The following ANKRD12 variants were observed in gnomAD, a reference collection of about 807,000 sequenced individuals.
ANKRD12 encodes ankyrin repeat domain 12, also known as ankyrin repeat domain-containing protein 12.
A neutral mutation model predicts 183.4 loss-of-function variants in ANKRD12; 85 were observed. The observed-to-expected ratio is 0.46, with a 90% CI of 0.39 to 0.56. The LOEUF is 0.56. Ranked by LOEUF, ANKRD12 falls within the 20% of genes least tolerant of loss-of-function variation. The pLI is 0.00. For missense variants in ANKRD12, 2,405 were observed against 2,357.1 expected, an observed-to-expected ratio of 1.02 and a Z score of -0.42; for synonymous variants, 914 against 800.2, an observed-to-expected ratio of 1.14 and a Z score of -2.40.
chr18:9,169,101 C>T (rs1014923119), intron 1 of ANKRD12, among the ~76,000 whole-genome samples: 12 of 152,092 alleles, frequency 7.9e-5, no homozygotes, highest in Non-Finnish European at 1.6e-4. Flanking sequence ...GTTATAATTT[C>T]TGTTCTTTTA....
intron 9 of ANKRD12, among the ~76,000 whole-genome samples, chr18:9,262,168 G>A (rs2039008526): frequency 6.6e-6 from 1 of 152,160 alleles, no homozygotes; most frequent in East Asian, 1.9e-4. Context: ...AGAGCCAGGT[G>A]TGATTTTTGT....
chr18:9,226,828 A>G (rs932281577), intron 8 of ANKRD12, among the ~76,000 whole-genome samples: 7 of 152,194 alleles, frequency 4.6e-5, no homozygotes, highest in Non-Finnish European at 1.5e-5. Flanking sequence ...TCTTTTTTAA[A>G]AAAAATAAAG....
intron 8 of ANKRD12, among the ~76,000 whole-genome samples, chr18:9,231,722 G>C (rs1316193637): frequency 1.3e-5 from 2 of 151,666 alleles, no homozygotes; most frequent in Non-Finnish European, 2.9e-5. Flanking sequence ...CTACTCGGGA[G>C]GCTGAGGCAG....
chr18:9,204,635 C>A, intron 4 of ANKRD12, 91 bp downstream of exon 4: 1 of 968,572 alleles, frequency 1.0e-6, no homozygotes, highest in Non-Finnish European at 1.5e-6. Flanking sequence ...ACTTTCAAAC[C>A]AGCATATAGA....
intron 11 of ANKRD12, among the ~76,000 whole-genome samples, chr18:9,276,890 A>G (rs922595275): frequency 6.6e-6 from 1 of 152,214 alleles, no homozygotes; most frequent in African/African-American, 2.4e-5. Context: ...TCATATTTAA[A>G]GATGTTTAAA....
intron 7 of ANKRD12, among the ~76,000 whole-genome samples, chr18:9,217,673 T>C (rs2036188217): frequency 6.6e-6 from 1 of 152,228 alleles, no homozygotes; most frequent in Admixed American, 6.5e-5. Flanking sequence ...ACCAGTGGTC[T>C]ACTCTTTTCT....
intron 2 of ANKRD12, among the ~76,000 whole-genome samples, chr18:9,191,988 G>T (rs1567898461): frequency 6.6e-6 from 1 of 152,108 alleles, no homozygotes; most frequent in South Asian, 2.1e-4. Context: ...AAAGGCTCTT[G>T]CTCACATTTC....
chr18:9,216,911 T>A lies in ANKRD12; in HGVS notation c.795+11T>A. 2 of 1,606,222 alleles carry A rather than the reference T, an allele frequency of 1.2e-6. No individual in the cohort carries two copies. Among genetic ancestry groups the A allele is most frequent in the Non-Finnish European group, 1.7e-6 (2 of 1,177,730 alleles). On this transcript the variant is annotated intron_variant, in intron 7 of 12. Transcript: ENST00000262126. ...AGTGGGCACAGAGATGTAAGTATGA[T>A]AGAAAAAAATCAATAATACACATTT...
rs758551001 is a variant in ANKRD12, at chr18:9,208,636, C to A, written c.305-21C>A. Reference sequence around the variant, plus strand: ...TACTTGGATTTGTTTCAAATTCTTACATATTTGTTAATAATTCCAGAGAAA... The same window carrying A: ...TACTTGGATTTGTTTCAAATTCTTAAATATTTGTTAATAATTCCAGAGAAA... On this transcript the variant is annotated intron_variant, in intron 4 of 12. Coordinates refer to ENST00000262126, the MANE Select transcript of ANKRD12 (RefSeq NM_015208.5). The A allele has an allele frequency of 1.5e-5, 24 of 1,585,048 alleles. No homozygotes were observed. In the African/African-American group the frequency reaches 2.9e-4, roughly 19 times the overall value.
At chr18:9,278,660 G>C (rs2039966223) in intron 11 of ANKRD12, among the ~76,000 whole-genome samples, 1 of 152,150 alleles carries the variant, frequency 6.6e-6, no homozygotes, top group Non-Finnish European at 1.5e-5. Flanking sequence ...AGCCAGGTGT[G>C]GTGGCGGGTG....
At chr18:9,160,695 A>T (rs979079855) in intron 1 of ANKRD12, among the ~76,000 whole-genome samples, 2 of 152,238 alleles carry the variant, frequency 1.3e-5, no homozygotes, top group Middle Eastern at 3.2e-3. Flanking sequence ...GCTTCTGGTA[A>T]CCAGGGAAGT....
chr18:9,191,439 A>G (rs1251661578), intron 2 of ANKRD12, among the ~76,000 whole-genome samples: 1 of 152,112 alleles, frequency 6.6e-6, no homozygotes, highest in Non-Finnish European at 1.5e-5. Flanking sequence ...CATATTCCAT[A>G]TACTCTTTTG....
intron 12 of ANKRD12, 43 bp downstream of exon 12, chr18:9,279,687 TCTTA>T: frequency 3.5e-6 from 4 of 1,139,902 alleles, no homozygotes; most frequent in Non-Finnish European, 3.8e-6. Context: ...GCTTCCCCCT[TCTTA>T]AAAAAAAAAA....
chr18:9,269,214 A>T (rs1206964517), intron 10 of ANKRD12, among the ~76,000 whole-genome samples: 1 of 152,218 alleles, frequency 6.6e-6, no homozygotes, highest in Non-Finnish European at 1.5e-5. Context: ...TTTATAGATC[A>T]ATGCCATCCC....
chr18:9,175,053 C>G (rs749442777), intron 1 of ANKRD12, among the ~76,000 whole-genome samples: 1 of 152,104 alleles, frequency 6.6e-6, no homozygotes, highest in Non-Finnish European at 1.5e-5. Flanking sequence ...CACCCAGATT[C>G]AAGCAACTCT....
At chr18:9,161,001 G>GTTTTTGT (rs2031330325) in intron 1 of ANKRD12, among the ~76,000 whole-genome samples, 1 of 152,126 alleles carries the variant, frequency 6.6e-6, no homozygotes, top group South Asian at 2.1e-4. Context: ...GTTTCCCCTA[G>GTTTTTGT]TTTTTGTTTT....
At chr18:9,191,824 C>T (rs1465717229) in intron 2 of ANKRD12, among the ~76,000 whole-genome samples, 1 of 152,170 alleles carries the variant, frequency 6.6e-6, no homozygotes, top group Non-Finnish European at 1.5e-5. Flanking sequence ...CTCTCACACT[C>T]TGGGCCACTG....
intron 1 of ANKRD12, among the ~76,000 whole-genome samples, chr18:9,177,158 C>T (rs925005112): frequency 2.0e-5 from 3 of 152,174 alleles, no homozygotes; most frequent in Admixed American, 1.3e-4. Flanking sequence ...ATACTCTGTG[C>T]AGCCCTTAGG....
At position 9,182,373 on chromosome 18, in the gene ANKRD12, T is replaced by A; in HGVS notation, c.-51-9T>A. On this transcript the variant is annotated splice_polypyrimidine_tract_variant and intron_variant, in intron 1 of 12. Transcript: ENST00000262126. ...ATTCAAATAACCCTTATATATCTAT[T>A]CTTTACAGATCCAGGATGAGAAGAC... 8.7e-7 allele frequency: 1 copy of A among 1,145,292 alleles called. No homozygotes were observed. Among genetic ancestry groups the A allele is most frequent in the Non-Finnish European group, 1.3e-6 (1 of 784,138 alleles). 70.9% of individuals were successfully genotyped at this position (1,145,292 alleles called of 1,614,324 possible).
Sources: allele counts gnomAD v4.1 joint callset (sites outside exome capture counted in the v4.1 genomes callset), GRCh38; gene constraint gnomAD v4.1.1; transcripts MANE v1.5; gene names NCBI Gene and HGNC (gene_info 2026-07-23, HGNC 2026-07-21).